The following DPH3 variants were observed in gnomAD, a reference collection of about 807,000 sequenced individuals.
DPH3 encodes the protein diphthamide biosynthesis 3, also known as diphthamide biosynthesis protein 3.
DPH3 carries 8 observed loss-of-function variants against 10.2 expected under a neutral mutation model. The observed-to-expected ratio is 0.79, with a 90% CI of 0.46 to 1.42. DPH3 has a LOEUF of 1.42. DPH3 is among the 40% of genes most tolerant of loss of function. DPH3 has a pLI of 0.00. For missense variants in DPH3, 96 were observed against 98.9 expected (o/e 0.97, Z 0.12); for synonymous variants, 35 against 35.6 (o/e 0.98, Z 0.06).
chr3:16,264,136 T>C lies in DPH3; in HGVS notation c.183+19A>G, dbSNP rs1207605157. ...TGACTTACAATACCCTTCCCCCGTT[T>C]TAAAATTATATCCCTTACTTTGTCA... On this transcript the variant is annotated intron_variant, in intron 2 of 2. Transcript: ENST00000488423. 5 of 1,586,532 alleles carry C rather than the reference T, an allele frequency of 3.2e-6. No homozygotes were observed. In the South Asian group the frequency reaches 5.7e-5, roughly 18 times the overall value.
At position 16,257,579 on chromosome 3, in the gene DPH3, A is replaced by G. The variant is rs1475172091; in HGVS notation, c.*3185T>C. Among the ~76,000 whole-genome samples the G allele has an allele frequency of 6.6e-6, 1 of 152,266 alleles. No individual in the cohort carries two copies. The highest frequency in any genetic ancestry group is 1.9e-4 in the East Asian group (1 of 5,206). ...AAAGAGGTACTATGATCCAGATTTCACAAACCAGAATATAATTATTAAGTA... is the reference window on the plus strand; with the variant it reads ...AAAGAGGTACTATGATCCAGATTTCGCAAACCAGAATATAATTATTAAGTA... On this transcript the variant is annotated 3_prime_UTR_variant, in exon 3 of 3. Transcript: ENST00000488423.
chr3:16,264,061 A>C (rs1283122943), intron 2 of DPH3, 94 bp downstream of exon 2: 5 of 742,276 alleles, frequency 6.7e-6, no homozygotes, highest in Non-Finnish European at 1.0e-5. Flanking sequence ...TAGCACAATG[A>C]AACATTCTCC....
Position 16,260,340 on chromosome 3 carries a change from A to T in DPH3, c.*424T>A, listed in dbSNP as rs918989729. 31 of 161,580 alleles carry T rather than the reference A, an allele frequency of 1.9e-4. No homozygotes were observed. Among genetic ancestry groups the T allele is most frequent in the Non-Finnish European group, 3.9e-4 (29 of 73,506 alleles). 10.0% of individuals were successfully genotyped at this position (161,580 alleles called of 1,614,324 possible). On this transcript the variant is annotated 3_prime_UTR_variant, in exon 3 of 3. Coordinates refer to ENST00000488423, the MANE Select transcript of DPH3 (RefSeq NM_206831.3). ...TTTAGAACAGCAAAGCTGATGTCAT[A>T]TTTCAAAGGAAGGGCTAATTTTAAT...
Position 16,262,693 on chromosome 3 carries a change from A to C in DPH3, c.183+1462T>G, listed in dbSNP as rs1163075638. The stretch of plus-strand genomic sequence containing the variant: ...TCTCTCTCATGAACGCCAGACATGC[A>C]TATCCAATTGCCTTCTCAACAGCTC... On this transcript the variant is annotated intron_variant, in intron 2 of 2. Coordinates refer to ENST00000488423, the MANE Select transcript of DPH3 (RefSeq NM_206831.3). This position sits in a 1 kb window ranked among gnomAD's most constrained non-coding sequence, Gnocchi z 4.7. Among the ~76,000 whole-genome samples, 2 of 152,174 alleles carry C rather than the reference A, an allele frequency of 1.3e-5. No individual in the cohort carries two copies. The highest frequency in any genetic ancestry group is 4.8e-5 in the African/African-American group (2 of 41,426).
At chr3:16,264,627 G>C in intron 1 of DPH3, 142 bp downstream of exon 1, 1 of 793,398 alleles carries the variant, frequency 1.3e-6, no homozygotes, top group East Asian at 2.7e-5. Flanking sequence ...TGGGGTGGGG[G>C]GACGCGGGAG....
rs1473748889 is a variant in DPH3 at position 16,259,493 on chromosome 3, C to A, written c.*1271G>T. 1 of 152,194 alleles carries A rather than the reference C, an allele frequency of 6.6e-6. No individual in the cohort carries two copies. The highest frequency in any genetic ancestry group is 1.5e-5 in the Non-Finnish European group (1 of 68,042). 9.4% of individuals were successfully genotyped at this position (152,194 alleles called of 1,614,324 possible). A position where few individuals can be genotyped will look rare whatever the true frequency, so the allele number is the denominator to read the frequency against. Reference sequence around the variant, plus strand: ...GCCATTCCTAAAACAACCTGACGGACATCACTGCATTAATAAATATTTTTT... The same window carrying A: ...GCCATTCCTAAAACAACCTGACGGAAATCACTGCATTAATAAATATTTTTT... On this transcript the variant is annotated 3_prime_UTR_variant, in exon 3 of 3. Coordinates refer to ENST00000488423, the MANE Select transcript of DPH3 (RefSeq NM_206831.3).
Position 16,263,624 on chromosome 3 carries a change from T to C in DPH3, c.183+531A>G, listed in dbSNP as rs2064326573. ...TCCATTCCAAGTACTGAACAAAACT[T>C]TGGGTAGGAGTGGGCAGTAATAACA... On this transcript the variant is annotated intron_variant, in intron 2 of 2. Transcript: ENST00000488423. The surrounding 1 kb of genome is among the most constrained non-coding windows in gnomAD (Gnocchi z 4.0). Among the ~76,000 whole-genome samples the C allele has an allele frequency of 6.6e-6, 1 of 151,420 alleles. No individual in the cohort carries two copies. Among genetic ancestry groups the C allele is most frequent in the Non-Finnish European group, 1.5e-5 (1 of 67,824 alleles).
rs978445528 is a variant in DPH3, at chr3:16,261,055, T to C, written c.184-226A>G. On this transcript the variant is annotated intron_variant, in intron 2 of 2. Coordinates refer to ENST00000488423, the MANE Select transcript of DPH3 (RefSeq NM_206831.3). The surrounding 1 kb of genome is among the most constrained non-coding windows in gnomAD (Gnocchi z 7.1). ...TCATTATTTAATACAAAGCACCTTA[T>C]AAACAAACATCCCTATCTTCAGTTC... 2.6e-5 allele frequency among the ~76,000 whole-genome samples: 4 copies of C among 152,226 alleles called. No individual in the cohort carries two copies. Among genetic ancestry groups the C allele is most frequent in the African/African-American group, 7.2e-5 (3 of 41,464 alleles).
rs769909136 is a variant in DPH3 at position 16,260,807 on chromosome 3, G to C, written c.206C>G (p.Thr69Arg). 5 of 1,613,810 alleles carry C rather than the reference G, an allele frequency of 3.1e-6. No individual in the cohort carries two copies. The highest frequency in any genetic ancestry group is 1.7e-4 in the Middle Eastern group (1 of 6,060). Reference protein sequence around the residue: ...YDKDQFVCGETVPAPSANKEL... With the variant: ...YDKDQFVCGERVPAPSANKEL... The stretch of plus-strand genomic sequence containing the variant: ...TTTGTTGGCTGAAGGGGCTGGGACT[G>C]TTTCTCCACACACAAACTGATCCTA... The change falls in exon 3 of 3, where the codon ACA becomes AGA. Residue 69 changes from threonine to arginine, a missense_variant. Transcript: ENST00000488423.
Position 16,258,665 on chromosome 3 carries a change from C to G in DPH3, c.*2099G>C, listed in dbSNP as rs1169910609. ...ACAGGGTCTTTCTATGTTGCCCAGG[C>G]TAGTCTTGAACTCCTGGCCTCACAT... On this transcript the variant is annotated 3_prime_UTR_variant, in exon 3 of 3. Coordinates refer to ENST00000488423, the MANE Select transcript of DPH3 (RefSeq NM_206831.3). 6.6e-6 allele frequency: 1 copy of G among 152,156 alleles called. No homozygotes were observed. Among genetic ancestry groups the G allele is most frequent in the Admixed American group, 6.5e-5 (1 of 15,272 alleles). 9.4% of individuals were successfully genotyped at this position (152,156 alleles called of 1,614,324 possible).
Position 16,261,067 on chromosome 3 carries a change from C to G in DPH3, c.184-238G>C, listed in dbSNP as rs182801671. ...ACAAAGCACCTTATAAACAAACATC[C>G]CTATCTTCAGTTCAGAGCAACCACT... is the stretch of plus-strand genomic sequence containing the variant. On this transcript the variant is annotated intron_variant, in intron 2 of 2. Coordinates refer to ENST00000488423, the MANE Select transcript of DPH3 (RefSeq NM_206831.3). The surrounding 1 kb of genome is among the most constrained non-coding windows in gnomAD (Gnocchi z 7.1). Among the ~76,000 whole-genome samples, 10 of 152,258 alleles carry G rather than the reference C, an allele frequency of 6.6e-5. No homozygotes were observed. The East Asian group carries it at 1.9e-3, about 29-fold the overall frequency.
Position 16,261,777 on chromosome 3 carries a change from C to G in DPH3, c.184-948G>C, listed in dbSNP as rs28639712. ...GCTCTGTGTTCTCAGAGTCCTAGTACCAGAGGGATTGGAAGTGGGGCTAGT... is the reference window on the plus strand; with the variant it reads ...GCTCTGTGTTCTCAGAGTCCTAGTAGCAGAGGGATTGGAAGTGGGGCTAGT... On this transcript the variant is annotated intron_variant, in intron 2 of 2. Coordinates refer to ENST00000488423, the MANE Select transcript of DPH3 (RefSeq NM_206831.3). This position sits in a 1 kb window ranked among gnomAD's most constrained non-coding sequence, Gnocchi z 7.1. Among the ~76,000 whole-genome samples, 1 of 152,046 alleles carries G rather than the reference C, an allele frequency of 6.6e-6. No individual in the cohort carries two copies. Among genetic ancestry groups the G allele is most frequent in the Admixed American group, 6.6e-5 (1 of 15,252 alleles).
Position 16,260,452 on chromosome 3 carries a change from G to A in DPH3, c.*312C>T, listed in dbSNP as rs552. On this transcript the variant is annotated 3_prime_UTR_variant, in exon 3 of 3. Coordinates refer to ENST00000488423, the MANE Select transcript of DPH3 (RefSeq NM_206831.3). Reference sequence around the variant, plus strand: ...GTAGATGATGCTGTTGTCAGATACCGAAGTAATTTGGTTTAAGATATGAAA... The same window carrying A: ...GTAGATGATGCTGTTGTCAGATACCAAAGTAATTTGGTTTAAGATATGAAA... 52,947 of 266,390 alleles carry A rather than the reference G, an allele frequency of 0.2. 7,284 individuals carry two copies. The highest frequency in any genetic ancestry group is 0.46 in the African/African-American group (21,147 of 45,782). The allele number at this position is 266,390 out of a possible 1,614,324, so 16.5% of individuals were successfully genotyped here.
chr3:16,264,705 A>G, intron 1 of DPH3, 64 bp downstream of exon 1: 1 of 1,502,312 alleles, frequency 6.7e-7, no homozygotes, highest in Non-Finnish European at 9.2e-7. Context: ...CCAATGATGG[A>G]AGGAACGGGC....
chr3:16,257,809 C>T lies in DPH3; in HGVS notation c.*2955G>A, dbSNP rs905517669. Among the ~76,000 whole-genome samples, 1 of 152,132 alleles carries T rather than the reference C, an allele frequency of 6.6e-6. No homozygotes were observed. The highest frequency in any genetic ancestry group is 2.4e-5 in the African/African-American group (1 of 41,436). On this transcript the variant is annotated 3_prime_UTR_variant, in exon 3 of 3. Transcript: ENST00000488423. Reference sequence around the variant, plus strand: ...ATTTTTTTCCCAAACAATAGAAATCCAGAGCCCAAACTGTAGAAATTGGCA... The same window carrying T: ...ATTTTTTTCCCAAACAATAGAAATCTAGAGCCCAAACTGTAGAAATTGGCA...
In DPH3 at chr3:16,260,374, T is replaced by A. The variant is rs1575013427; in HGVS notation, c.*390A>T. On this transcript the variant is annotated 3_prime_UTR_variant, in exon 3 of 3. Coordinates refer to ENST00000488423, the MANE Select transcript of DPH3 (RefSeq NM_206831.3). ...GAAGGGCTAATTTTAATAATCTTAA[T>A]AACCAAGTCAAAAATACAATCTCTT... 6.0e-6 allele frequency: 1 copy of A among 166,832 alleles called. No individual in the cohort carries two copies. Among genetic ancestry groups the A allele is most frequent in the African/African-American group, 2.4e-5 (1 of 41,986 alleles). 10.3% of individuals were successfully genotyped at this position (166,832 alleles called of 1,614,324 possible). A position where few individuals can be genotyped will look rare whatever the true frequency, so the allele number is the denominator to read the frequency against.
chr3:16,264,644 G>A, intron 1 of DPH3, 125 bp downstream of exon 1: 1 of 930,954 alleles, frequency 1.1e-6, no homozygotes, highest in Non-Finnish European at 1.6e-6. Context: ...GGAGGAGGAA[G>A]ATTCAGCAAC....
At chr3:16,260,862 G>T in intron 2 of DPH3, 33 bp from the exon 3 acceptor site, 1 of 1,587,446 alleles carries the variant, frequency 6.3e-7, no homozygotes, top group Non-Finnish European at 8.6e-7. Flanking sequence ...ATTAACCAAT[G>T]AATTTCCGGT....
At position 16,258,491 on chromosome 3, in the gene DPH3, CTCTT is replaced by C. The variant is rs1370807598; in HGVS notation, c.*2269_*2272del. On this transcript the variant is annotated 3_prime_UTR_variant, in exon 3 of 3. Coordinates refer to ENST00000488423, the MANE Select transcript of DPH3 (RefSeq NM_206831.3). ...TCAGAGTCCAGTTTTACTCTGCTTT[CTCTT>C]TATTTTTTAGGCATGAGGTCTTGCC... The C allele has an allele frequency of 6.6e-5, 10 of 152,346 alleles. No individual in the cohort carries two copies. The East Asian group carries it at 1.7e-3, about 26-fold the overall frequency. The allele number at this position is 152,346 out of a possible 1,614,324, so 9.4% of individuals were successfully genotyped here. A position where few individuals can be genotyped will look rare whatever the true frequency, so the allele number is the denominator to read the frequency against.
Sources: gnomAD v4.1 joint callset for allele counts (sites outside exome capture counted in the v4.1 genomes callset) on GRCh38, gnomAD v4.1.1 for gene constraint, Gnocchi (gnomAD v3.1) non-coding constraint, MANE v1.5 for transcripts, NCBI Gene and HGNC (gene_info 2026-07-23, HGNC 2026-07-21) for gene names.